Variants in TMPRSS9 observed in about 807,000 individuals in gnomAD.
TMPRSS9 encodes the protein transmembrane protease serine 9.
A neutral mutation model predicts 111.4 loss-of-function variants in TMPRSS9; 113 were observed. The observed-to-expected ratio is 1.01, with a 90% CI of 0.87 to 1.19. The LOEUF (loss-of-function observed/expected upper bound fraction) is 1.19, where lower values mean the gene tolerates loss of function less well. Among genes scored for constraint, TMPRSS9 ranks in the 50% most tolerant of loss-of-function variants. TMPRSS9 has a pLI of 0.00. For missense variants in TMPRSS9, 1,803 were observed against 1,513.1 expected (o/e 1.19, Z -3.18); for synonymous variants, 805 against 659.1 (o/e 1.22, Z -3.39).
At chr19:2,400,318 G>A (rs1970805299) in intron 4 of TMPRSS9, among the ~76,000 whole-genome samples, 1 of 152,102 alleles carries the variant, frequency 6.6e-6, no homozygotes, top group Non-Finnish European at 1.5e-5. Context: ...AAGGTGGGCT[G>A]ATCACTTCAG....
At position 2,416,625 on chromosome 19, in the gene TMPRSS9, G is replaced by GGT. The variant is rs1249259093; in HGVS notation, c.1834_1835dup (p.Val613Ter). 6.2e-7 allele frequency: 1 copy of GGT among 1,612,742 alleles called. No homozygotes were observed. The highest frequency in any genetic ancestry group is 1.7e-5 in the Admixed American group (1 of 60,000). ...GCCCGGTGAAGATCGGGCTGCGGCG[G>GGT]GTAGTGCTGCACCCCCTCTACAACC... On this transcript the variant is annotated frameshift_variant, in exon 12 of 18. Transcript: ENST00000648592. LOFTEE classifies it high-confidence loss of function.
intron 9 of TMPRSS9, 65 bp downstream of exon 10, chr19:2,410,459 G>T: frequency 6.3e-7 from 1 of 1,581,220 alleles, no homozygotes; most frequent in Non-Finnish European, 8.6e-7. Flanking sequence ...TTCAAATGCT[G>T]AGCAATTCAC....
upstream of TMPRSS9, among the ~76,000 whole-genome samples, chr19:2,386,906 C>A (rs1970488789): frequency 6.6e-6 from 1 of 151,902 alleles, no homozygotes. Flanking sequence ...GCATGAGAAT[C>A]ACTTGAACCT....
rs769429032 is a variant in TMPRSS9 at position 2,424,270 on chromosome 19, C to T, written c.2717+13C>T. 2.2e-6 allele frequency: 3 copies of T among 1,351,450 alleles called. No individual in the cohort carries two copies. The highest frequency in any genetic ancestry group is 3.0e-5 in the African/African-American group (2 of 66,544). The allele number at this position is 1,351,450 out of a possible 1,614,324, so 83.7% of individuals were successfully genotyped here. A position where few individuals can be genotyped will look rare whatever the true frequency, so the allele number is the denominator to read the frequency against. On this transcript the variant is annotated intron_variant, in intron 15 of 17. Coordinates refer to ENST00000648592, the Ensembl canonical transcript of TMPRSS9. ...ACTGCTTCGACGTGTGAGTTCCAAA[C>T]GCTCCAAATGCCCCTACATGTCTCT... is the stretch of plus-strand genomic sequence containing the variant.
intron 13 of TMPRSS9, among the ~76,000 whole-genome samples, 176 bp downstream of exon 14, chr19:2,418,314 C>CTTTT (rs1568189327): frequency 2.7e-5 from 1 of 37,702 alleles, no homozygotes; most frequent in African/African-American, 2.7e-4. Flanking sequence ...CCTTTCCCTC[C>CTTTT]CTCCCTCCCT....
intron 2 of TMPRSS9, 25 bp from the exon 4 acceptor site, chr19:2,398,770 T>G: frequency 8.7e-6 from 12 of 1,385,572 alleles, no homozygotes; most frequent in East Asian, 3.7e-5. Flanking sequence ...GGTCTCAACA[T>G]TTGATATTCT....
At chr19:2,393,543 C>T (rs1281330000) in intron 1 of TMPRSS9, among the ~76,000 whole-genome samples, 1 of 152,120 alleles carries the variant, frequency 6.6e-6, no homozygotes, top group African/African-American at 2.4e-5. Flanking sequence ...TCAGTGAGAC[C>T]AAGAACCCAC....
chr19:2,369,673 A>G (rs1027314166), intron 1 of TMPRSS9, among the ~76,000 whole-genome samples: 4 of 149,346 alleles, frequency 2.7e-5, no homozygotes, highest in Non-Finnish European at 3.0e-5. Context: ...TCCTGGGCTC[A>G]AGCGATCCTC....
Position 2,418,151 on chromosome 19 carries a change from AG to A in TMPRSS9, c.2154+18del, listed in dbSNP as rs777196419. ...CGACTCCTGCCAGGTAAGCATTCAAAGGGGGAAAGCGGGCAATATTTCCATG... is the reference window on the plus strand; with the variant it reads ...CGACTCCTGCCAGGTAAGCATTCAAAGGGGAAAGCGGGCAATATTTCCATG... On this transcript the variant is annotated intron_variant, in intron 13 of 17. Coordinates refer to ENST00000648592, the Ensembl canonical transcript of TMPRSS9. 4.4e-6 allele frequency: 7 copies of A among 1,602,788 alleles called. No individual in the cohort carries two copies. The East Asian group carries it at 1.6e-4, about 36-fold the overall frequency.
At chr19:2,400,938 T>C (rs1847477956) in intron 4 of TMPRSS9, among the ~76,000 whole-genome samples, 2 of 136,454 alleles carry the variant, frequency 1.5e-5, no homozygotes, top group South Asian at 2.3e-4. Context: ...ATAGCACCAC[T>C]GCACTGTAGC....
At chr19:2,403,817 C>T (rs975274643) in intron 6 of TMPRSS9, among the ~76,000 whole-genome samples, 5 of 151,922 alleles carry the variant, frequency 3.3e-5, no homozygotes, top group Non-Finnish European at 7.4e-5. Flanking sequence ...CACGGTGAAA[C>T]CCCCTCTCTA....
At chr19:2,403,246 T>C (rs1568180962) in intron 6 of TMPRSS9, 51 bp downstream of exon 7, 4 of 1,442,414 alleles carry the variant, frequency 2.8e-6, no homozygotes, top group Non-Finnish European at 2.9e-6. Context: ...TTTTCCAGGG[T>C]CAGCTGCTGG....
At chr19:2,422,908 A>G (rs1971498676) in intron 14 of TMPRSS9, among the ~76,000 whole-genome samples, 1 of 151,294 alleles carries the variant, frequency 6.6e-6, no homozygotes, top group Non-Finnish European at 1.5e-5. Flanking sequence ...ATAAAAATAA[A>G]AAGCCAGGCG....
chr19:2,397,078 G>A (rs1183396765), intron 2 of TMPRSS9, among the ~76,000 whole-genome samples: 2 of 151,750 alleles, frequency 1.3e-5, no homozygotes, highest in Non-Finnish European at 2.9e-5. Context: ...ACGCCACCAC[G>A]TCCAGCTGAT....
intron 1 of TMPRSS9, among the ~76,000 whole-genome samples, chr19:2,365,306 GA>G (rs1356740390): frequency 3.3e-5 from 5 of 151,444 alleles, no homozygotes; most frequent in African/African-American, 9.7e-5. Context: ...CTCTTCCCAT[GA>G]AAGCCTAACA....
At chr19:2,425,843 G>T in intron 17 of TMPRSS9, 84 bp from the exon 19 acceptor site, 2 of 1,472,342 alleles carry the variant, frequency 1.4e-6, no homozygotes, top group Non-Finnish European at 1.8e-6. Context: ...AGTCACTAGG[G>T]TCACTCCTAG....
At chr19:2,393,709 C>T (rs1428177205) in intron 1 of TMPRSS9, among the ~76,000 whole-genome samples, 1 of 151,932 alleles carries the variant, frequency 6.6e-6, no homozygotes, top group African/African-American at 2.4e-5. Flanking sequence ...ACCAGCCTGG[C>T]CAACATGGGT....
intron 1 of TMPRSS9, among the ~76,000 whole-genome samples, chr19:2,368,774 G>GTTTGTTTTTTTTTTTTTTTTT (rs1970265977): frequency 1.4e-5 from 1 of 70,366 alleles, no homozygotes; most frequent in African/African-American, 6.0e-5. Context: ...GATAAACCCA[G>GTTTGTTTTTTTTTTTTTTTTT]TTTTTTTTTT....
chr19:2,405,281 C>G (rs1568181815), intron 6 of TMPRSS9, 93 bp from the exon 8 acceptor site: 2 of 1,448,066 alleles, frequency 1.4e-6, no homozygotes, highest in South Asian at 2.8e-5. Context: ...AACTTAGGGA[C>G]TGTAGACGAG....
Sources: allele counts gnomAD v4.1 joint callset (sites outside exome capture counted in the v4.1 genomes callset), GRCh38; gene constraint gnomAD v4.1.1; transcripts MANE v1.5; gene names NCBI Gene and HGNC (gene_info 2026-07-23, HGNC 2026-07-21).